The following MSRA variants were observed in gnomAD, a reference collection of about 807,000 sequenced individuals.
MSRA encodes methionine sulfoxide reductase A.
Under a neutral mutation model 31.3 loss-of-function variants are expected in MSRA, and 54 were observed. The ratio of observed to expected loss-of-function variants is 1.73; its 90% CI spans 1.39 to 2.17. The LOEUF (loss-of-function observed/expected upper bound fraction) is 2.17. Ranked by LOEUF, MSRA falls within the 30% of genes most tolerant of loss-of-function variation. MSRA has a pLI of 0.00. For missense variants in MSRA, 507 were observed against 300.9 expected (o/e 1.69, Z -5.07); for synonymous variants, 169 against 116.5 (o/e 1.45, Z -2.90).
chr8:10,128,361 A>G (rs762140435), intron 1 of MSRA, among the ~76,000 whole-genome samples: 1 of 152,146 alleles, frequency 6.6e-6, no homozygotes, highest in Non-Finnish European at 1.5e-5. Flanking sequence ...CCTGGGCGAC[A>G]AAAGCAAAAC....
At chr8:10,421,559 T>G (rs538609804) in intron 5 of MSRA, among the ~76,000 whole-genome samples, 1 of 152,120 alleles carries the variant, frequency 6.6e-6, no homozygotes, top group South Asian at 2.1e-4. Flanking sequence ...AGAATCTCGG[T>G]GATCCTAATC....
At chr8:10,091,525 G>A (rs1414150177) in intron 1 of MSRA, among the ~76,000 whole-genome samples, 1 of 152,112 alleles carries the variant, frequency 6.6e-6, no homozygotes, top group Non-Finnish European at 1.5e-5. Context: ...CAGTGAACAT[G>A]GGAGTACACA....
intron 5 of MSRA, among the ~76,000 whole-genome samples, chr8:10,400,009 G>A (rs1397847406): frequency 6.6e-6 from 1 of 152,208 alleles, no homozygotes; most frequent in African/African-American, 2.4e-5. Context: ...GGGAAGGCAT[G>A]AAGGTTAAAA....
chr8:10,181,302 C>G (rs2628133), intron 1 of MSRA, among the ~76,000 whole-genome samples: 4 of 152,106 alleles, frequency 2.6e-5, no homozygotes, highest in African/African-American at 9.7e-5. Flanking sequence ...AGTGAAATAT[C>G]TGCAGGAGAA....
At chr8:10,223,599 G>A (rs112436552) in intron 2 of MSRA, among the ~76,000 whole-genome samples, 3 of 152,286 alleles carry the variant, frequency 2.0e-5, no homozygotes, top group Non-Finnish European at 2.9e-5. Context: ...TGAACAGATC[G>A]TCAGTGATTG....
chr8:10,155,177 C>T (rs1479767895), intron 1 of MSRA, among the ~76,000 whole-genome samples: 1 of 151,956 alleles, frequency 6.6e-6, no homozygotes, highest in Non-Finnish European at 1.5e-5. Flanking sequence ...AAATACTGAA[C>T]TTTTTTAAGT....
intron 5 of MSRA, among the ~76,000 whole-genome samples, chr8:10,358,579 T>G (rs1363196142): frequency 6.5e-5 from 3 of 46,470 alleles, no homozygotes; most frequent in Non-Finnish European, 1.5e-4. Flanking sequence ...TTTTTTTTTT[T>G]TTTTTTTTTT....
intron 3 of MSRA, among the ~76,000 whole-genome samples, chr8:10,246,278 T>G (rs1797618936): frequency 6.6e-6 from 1 of 152,220 alleles, no homozygotes; most frequent in African/African-American, 2.4e-5. Context: ...TGACCTCTAT[T>G]CTAGGCTAAC....
chr8:10,087,339 A>C (rs997696994), intron 1 of MSRA, among the ~76,000 whole-genome samples: 70 of 149,696 alleles, frequency 4.7e-4, no homozygotes, highest in African/African-American at 1.7e-3. Flanking sequence ...TTGTGTTTAT[A>C]ATGATTTGTT....
intron 1 of MSRA, among the ~76,000 whole-genome samples, chr8:10,069,550 A>AGGC (rs1434035442): frequency 6.6e-6 from 1 of 152,248 alleles, no homozygotes; most frequent in African/African-American, 2.4e-5. Flanking sequence ...TGTCTGCTGA[A>AGGC]GGCTGTTCTC....
At chr8:10,290,440 G>GAA (rs780633510) in intron 3 of MSRA, among the ~76,000 whole-genome samples, 46 of 147,370 alleles carry the variant, frequency 3.1e-4, no homozygotes, top group African/African-American at 1.1e-3. Flanking sequence ...AGACTTTGTT[G>GAA]AAAAAAAAAA....
intron 1 of MSRA, among the ~76,000 whole-genome samples, chr8:10,169,208 G>T (rs950249629): frequency 6.6e-6 from 1 of 152,154 alleles, no homozygotes; most frequent in South Asian, 2.1e-4. Context: ...CCCTTCATTG[G>T]TCTAATGGGC....
At chr8:10,368,552 C>T (rs1805297749) in intron 5 of MSRA, among the ~76,000 whole-genome samples, 1 of 152,226 alleles carries the variant, frequency 6.6e-6, no homozygotes, top group South Asian at 2.1e-4. Context: ...GTGGGGTGGT[C>T]CCAGTCCTGG....
At chr8:10,334,735 A>T (rs1273573101) in intron 5 of MSRA, among the ~76,000 whole-genome samples, 2 of 152,208 alleles carry the variant, frequency 1.3e-5, no homozygotes, top group Non-Finnish European at 2.9e-5. Flanking sequence ...GTGTTTGTGC[A>T]TGTGTATTTA....
chr8:10,361,492 C>T (rs1804841158), intron 5 of MSRA, among the ~76,000 whole-genome samples: 1 of 152,160 alleles, frequency 6.6e-6, no homozygotes, highest in South Asian at 2.1e-4. Context: ...TGCATTCTCC[C>T]AGTACTATAA....
chr8:10,245,322 T>A (rs969036414), intron 3 of MSRA, 99 bp downstream of exon 3: 14 of 1,148,018 alleles, frequency 1.2e-5, no homozygotes, highest in Middle Eastern at 2.0e-4. Flanking sequence ...TATGTTTTTT[T>A]AAAAATGTTT....
chr8:10,391,910 G>A (rs929604938), intron 5 of MSRA, among the ~76,000 whole-genome samples: 2 of 152,194 alleles, frequency 1.3e-5, no homozygotes, highest in African/African-American at 4.8e-5. Flanking sequence ...AACATTTCCT[G>A]ACCTATGGAA....
At chr8:10,171,343 G>T (rs1018114399) in intron 1 of MSRA, among the ~76,000 whole-genome samples, 1 of 149,300 alleles carries the variant, frequency 6.7e-6, no homozygotes. Flanking sequence ...GACATTTTAA[G>T]AGCACTATCC....
intron 5 of MSRA, among the ~76,000 whole-genome samples, chr8:10,374,635 T>C (rs1421585106): frequency 6.6e-6 from 1 of 152,230 alleles, no homozygotes; most frequent in Non-Finnish European, 1.5e-5. Context: ...AGGTCTTTGC[T>C]ATGAACCATT....
Sources: allele counts gnomAD v4.1 joint callset (sites outside exome capture counted in the v4.1 genomes callset), GRCh38; gene constraint gnomAD v4.1.1; transcripts MANE v1.5; gene names NCBI Gene and HGNC (gene_info 2026-07-23, HGNC 2026-07-21).